Variants in DNAH11 observed in about 807,000 individuals in gnomAD.
The protein encoded by DNAH11 is axonemal beta dynein heavy chain 11.
In DNAH11, 442 loss-of-function variants were observed where a neutral mutation model predicts 526.0. The ratio of observed to expected loss-of-function variants is 0.84; its 90% CI spans 0.78 to 0.91. DNAH11 has a LOEUF of 0.91. DNAH11 is among the 40% of genes least tolerant of loss of function. The pLI, the probability that DNAH11 is intolerant of heterozygous loss-of-function variation, is 0.00. For missense variants in DNAH11, 6,989 were observed against 5,448.7 expected, an observed-to-expected ratio of 1.28 and a Z score of -8.90; for synonymous variants, 2,461 against 1,935.9, an observed-to-expected ratio of 1.27 and a Z score of -7.12.
Position 21,639,398 on chromosome 7 carries a change from T to C in DNAH11, c.4944+333T>C, listed in dbSNP as rs1264552392. Among the ~76,000 whole-genome samples the C allele has an allele frequency of 2.6e-5, 4 of 152,184 alleles. No homozygotes were observed. The East Asian group carries it at 7.7e-4, about 29-fold the overall frequency. On this transcript the variant is annotated intron_variant, in intron 28 of 81. Coordinates refer to ENST00000409508, the MANE Select transcript of DNAH11 (RefSeq NM_001277115.2). The stretch of plus-strand genomic sequence containing the variant: ...TCCATTGCCTGGTTAGCAGCTTTCC[T>C]AGGGGAGAAAGGGTCACTTGGAACA...
At chr7:21,633,056 G>A (rs1399304527) in intron 25 of DNAH11, among the ~76,000 whole-genome samples, 4 of 152,128 alleles carry the variant, frequency 2.6e-5, no homozygotes, top group Non-Finnish European at 4.4e-5. Context: ...TTGTGCTGGC[G>A]ATCTCCCCTT....
At chr7:21,565,687 C>T (rs1783638553) in intron 6 of DNAH11, among the ~76,000 whole-genome samples, 2 of 152,202 alleles carry the variant, frequency 1.3e-5, no homozygotes, top group Admixed American at 6.5e-5. Flanking sequence ...CTCCTCAGTT[C>T]CCACATCTAT....
At chr7:21,856,366 C>T (rs1014973442) in intron 68 of DNAH11, among the ~76,000 whole-genome samples, 1 of 152,158 alleles carries the variant, frequency 6.6e-6, no homozygotes, top group Non-Finnish European at 1.5e-5. Context: ...TCAAGCATAA[C>T]TAGCAGGTTT....
At chr7:21,737,020 T>TAAAAATTCCTAAAAA (rs942527421) in intron 46 of DNAH11, among the ~76,000 whole-genome samples, 2 of 152,204 alleles carry the variant, frequency 1.3e-5, no homozygotes, top group African/African-American at 2.4e-5. Flanking sequence ...TGCTATTTCC[T>TAAAAATTCCTAAAAA]AAAAGGAATA....
intron 73 of DNAH11, among the ~76,000 whole-genome samples, chr7:21,872,354 T>C (rs990987334): frequency 1.3e-5 from 2 of 152,106 alleles, no homozygotes; most frequent in Non-Finnish European, 2.9e-5. Context: ...TTAGATCTTT[T>C]TGCAATAGAA....
intron 77 of DNAH11, among the ~76,000 whole-genome samples, chr7:21,894,155 C>T (rs1388670018): frequency 6.6e-6 from 1 of 152,182 alleles, no homozygotes; most frequent in East Asian, 1.9e-4. Flanking sequence ...TCCCAAAGTG[C>T]TGGGATTACA....
intron 61 of DNAH11, among the ~76,000 whole-genome samples, chr7:21,797,130 A>G (rs1329485360): frequency 6.6e-6 from 1 of 152,194 alleles, no homozygotes; most frequent in Non-Finnish European, 1.5e-5. Context: ...TACAAACAAT[A>G]TTAAGAGTCC....
At chr7:21,825,608 C>G (rs752558493) in intron 65 of DNAH11, among the ~76,000 whole-genome samples, 16 of 149,672 alleles carry the variant, frequency 1.1e-4, no homozygotes, top group Non-Finnish European at 2.2e-4. Flanking sequence ...ACGAACTATT[C>G]CTGCCTCCTT....
Position 21,637,526 on chromosome 7 carries a change from C to T in DNAH11, c.4726-85C>T, listed in dbSNP as rs1006832018. The T allele has an allele frequency of 6.5e-5, 62 of 951,406 alleles. No homozygotes were observed. In the East Asian group the frequency reaches 1.5e-3, roughly 23 times the overall value. The allele number at this position is 951,406 out of a possible 1,614,324, so 58.9% of individuals were successfully genotyped here. On this transcript the variant is annotated intron_variant, in intron 26 of 81. Transcript: ENST00000409508. The stretch of plus-strand genomic sequence containing the variant: ...TGACCTTGCCTCTTCATTCTTTGTT[C>T]TTCATTTTTTTAATTCTTGAAATGA...
At chr7:21,827,910 G>A (rs980443783) in intron 65 of DNAH11, among the ~76,000 whole-genome samples, 1 of 151,556 alleles carries the variant, frequency 6.6e-6, no homozygotes. Context: ...GTAGTAGAAT[G>A]TACTTTCTTG....
rs531283952 is a variant in DNAH11 at position 21,617,649 on chromosome 7, G to C, written c.4126G>C (p.Val1376Leu). ...EIWSLNKEVR[V>L]WDAYTGLEGT... ...TTGGTCACTCAACAAGGAAGTCCGC[G>C]TCTGGGATGCTTACACGGGCCTGGA... The change falls in exon 23 of 82, where the codon GTC (valine) becomes CTC (leucine). Residue 1376 changes from valine to leucine, a missense_variant. Coordinates refer to ENST00000409508, the MANE Select transcript of DNAH11 (RefSeq NM_001277115.2). 2 of 1,613,680 alleles carry C rather than the reference G, an allele frequency of 1.2e-6. No homozygotes were observed. Among genetic ancestry groups the C allele is most frequent in the Middle Eastern group, 1.6e-4 (1 of 6,080 alleles).
chr7:21,648,674 G>A (rs891108084), intron 28 of DNAH11, among the ~76,000 whole-genome samples: 9 of 152,250 alleles, frequency 5.9e-5, no homozygotes, highest in South Asian at 4.1e-4. Context: ...AAATCTTGGC[G>A]TGTTTTGTTA....
intron 76 of DNAH11, among the ~76,000 whole-genome samples, chr7:21,886,962 C>T (rs1784145686): frequency 6.6e-6 from 1 of 152,204 alleles, no homozygotes; most frequent in Non-Finnish European, 1.5e-5. Flanking sequence ...GACTTGCTGT[C>T]AGAGGCTGCA....
intron 76 of DNAH11, among the ~76,000 whole-genome samples, chr7:21,885,809 G>A (rs921321227): frequency 6.6e-6 from 1 of 152,188 alleles, no homozygotes; most frequent in African/African-American, 2.4e-5. Context: ...GTGAGGAAGA[G>A]GTAGATCACC....
intron 62 of DNAH11, among the ~76,000 whole-genome samples, chr7:21,806,969 T>C (rs543739649): frequency 5.9e-5 from 9 of 152,358 alleles, no homozygotes; most frequent in Non-Finnish European, 1.0e-4. Context: ...TTAATGATTA[T>C]ATTAGAAAAC....
intron 80 of DNAH11, 60 bp downstream of exon 80, chr7:21,899,508 C>G: frequency 7.3e-7 from 1 of 1,363,070 alleles, no homozygotes. Context: ...ACCAGAAGCC[C>G]TGCTTTGTTT....
At position 21,590,976 on chromosome 7, in the gene DNAH11, C is replaced by A; in HGVS notation, c.2228C>A (p.Pro743Gln). Residue 743 changes from proline (P) to glutamine (Q), a missense_variant, in exon 13 of 82, where the codon CCA becomes CAA. Pro to Gln is a moderately conservative substitution (Grantham distance 76). Coordinates refer to ENST00000409508, the MANE Select transcript of DNAH11 (RefSeq NM_001277115.2). ...YLLMLKKQDI[P>Q]DSALAIFKKR... The stretch of plus-strand genomic sequence containing the variant: ...TTGATGTTGAAGAAACAAGACATAC[C>A]AGATTCAGCTTTAGCCATCTTCAAG... The A allele has an allele frequency of 1.3e-6, 2 of 1,517,420 alleles. No individual in the cohort carries two copies. Among genetic ancestry groups the A allele is most frequent in the South Asian group, 1.4e-5 (1 of 69,788 alleles). 94.0% of individuals were successfully genotyped at this position (1,517,420 alleles called of 1,614,324 possible).
chr7:21,593,732 A>G (rs922456319), intron 14 of DNAH11, among the ~76,000 whole-genome samples: 4 of 151,968 alleles, frequency 2.6e-5, no homozygotes, highest in Admixed American at 6.6e-5. Context: ...TGTTGTTACT[A>G]TTTCTTAAGG....
chr7:21,563,149 T>C (rs1330172178), intron 5 of DNAH11, among the ~76,000 whole-genome samples: 1 of 152,328 alleles, frequency 6.6e-6, no homozygotes, highest in East Asian at 1.9e-4. Flanking sequence ...CAGTCATTAA[T>C]GAGAGTTAAA....
Sources: gnomAD v4.1 joint callset for allele counts (sites outside exome capture counted in the v4.1 genomes callset) on GRCh38, gnomAD v4.1.1 for gene constraint, MANE v1.5 for transcripts, NCBI Gene and HGNC (gene_info 2026-07-23, HGNC 2026-07-21) for gene names.